Variants in ATF7IP observed in about 807,000 individuals in gnomAD.
The protein encoded by ATF7IP is activating transcription factor 7-interacting protein 1.
In ATF7IP, 23 loss-of-function variants were observed where a neutral mutation model predicts 106.4. The ratio of observed to expected loss-of-function variants is 0.22; its 90% CI spans 0.16 to 0.31. The LOEUF (loss-of-function observed/expected upper bound fraction) is 0.31, where lower values mean the gene tolerates loss of function less well. Among genes scored for constraint, ATF7IP ranks in the 10% least tolerant of loss-of-function variants. The pLI is 1.00. For missense variants in ATF7IP, 1,334 were observed against 1,524.3 expected, an observed-to-expected ratio of 0.88 and a Z score of 2.08; for synonymous variants, 542 against 539.0, an observed-to-expected ratio of 1.01 and a Z score of -0.08.
At chr12:14,484,203 G>A (rs570500503) in intron 13 of ATF7IP, among the ~76,000 whole-genome samples, 119 of 152,220 alleles carry the variant, frequency 7.8e-4, no homozygotes, top group Non-Finnish European at 1.3e-3. Context: ...GTCAGCCTTG[G>A]TAAGTGGAAG....
chr12:14,367,460 T>G (rs1938355483), intron 1 of ATF7IP: 1 of 152,084 alleles, frequency 6.6e-6, no homozygotes, highest in African/African-American at 2.4e-5. Context: ...GTTGTGTAAT[T>G]TTCTCCCTTT....
intron 1 of ATF7IP, among the ~76,000 whole-genome samples, chr12:14,381,076 C>T (rs1938984069): frequency 6.6e-6 from 1 of 152,202 alleles, no homozygotes; most frequent in Non-Finnish European, 1.5e-5. Context: ...ATCGTTCTCT[C>T]TGCTCCCTTC....
At chr12:14,426,960 A>G (rs1013436934) in intron 2 of ATF7IP, among the ~76,000 whole-genome samples, 2 of 152,024 alleles carry the variant, frequency 1.3e-5, no homozygotes, top group African/African-American at 4.8e-5. Context: ...CAGGATACAC[A>G]CAAGAATTAA....
intron 6 of ATF7IP, among the ~76,000 whole-genome samples, chr12:14,452,564 ACTGT>A (rs1439447294): frequency 6.6e-6 from 1 of 152,114 alleles, no homozygotes; most frequent in African/African-American, 2.4e-5. Flanking sequence ...TAAAGTTACA[ACTGT>A]CTATGTTAAA....
chr12:14,483,888 A>G (rs138883286), intron 13 of ATF7IP, among the ~76,000 whole-genome samples: 1 of 152,228 alleles, frequency 6.6e-6, no homozygotes, highest in African/African-American at 2.4e-5. Flanking sequence ...TAGCCATAAA[A>G]TGAGTGCTTT....
intron 1 of ATF7IP, among the ~76,000 whole-genome samples, chr12:14,398,666 A>G (rs1359158748): frequency 6.6e-6 from 1 of 151,952 alleles, no homozygotes; most frequent in East Asian, 1.9e-4. Flanking sequence ...TTCTTCATCC[A>G]TAGATTTATT....
At chr12:14,490,510 C>T (rs1030925012) in intron 13 of ATF7IP, among the ~76,000 whole-genome samples, 1 of 152,202 alleles carries the variant, frequency 6.6e-6, no homozygotes, top group African/African-American at 2.4e-5. Context: ...ATGCACTGCT[C>T]CAAGTTCTGC....
chr12:14,399,681 GTGTT>G (rs898230799), intron 1 of ATF7IP, among the ~76,000 whole-genome samples: 4 of 149,434 alleles, frequency 2.7e-5, no homozygotes, highest in African/African-American at 9.9e-5. Flanking sequence ...TATTTCTTAT[GTGTT>G]TGTTTGTTCT....
chr12:14,402,153 G>T (rs1199034246), intron 1 of ATF7IP, among the ~76,000 whole-genome samples: 2 of 131,426 alleles, frequency 1.5e-5, no homozygotes, highest in African/African-American at 5.8e-5. Context: ...TTTGAGATAG[G>T]GTCTCGTTCT....
intron 8 of ATF7IP, 89 bp from the exon 9 acceptor site, chr12:14,460,406 G>A (rs888852847): frequency 9.3e-6 from 12 of 1,285,602 alleles, no homozygotes; most frequent in East Asian, 2.3e-5. Context: ...AATGTATTAC[G>A]CAATGTATTT....
At chr12:14,488,257 T>C (rs1482256241) in intron 13 of ATF7IP, among the ~76,000 whole-genome samples, 3 of 152,038 alleles carry the variant, frequency 2.0e-5, no homozygotes, top group Admixed American at 2.0e-4. Context: ...TATATATATC[T>C]ATAGTATAAA....
intron 1 of ATF7IP, among the ~76,000 whole-genome samples, chr12:14,397,706 G>A (rs1245569495): frequency 1.4e-5 from 2 of 143,918 alleles, no homozygotes; most frequent in African/African-American, 4.9e-5. Context: ...ATTTTCTTAT[G>A]TTTTCTAGGC....
intron 13 of ATF7IP, among the ~76,000 whole-genome samples, chr12:14,488,575 C>A (rs558284851): frequency 6.6e-6 from 1 of 152,300 alleles, no homozygotes; most frequent in Admixed American, 6.5e-5. Context: ...TTTGGCAACA[C>A]CCTCACAGAC....
At chr12:14,494,182 A>C (rs919114416) in intron 13 of ATF7IP, among the ~76,000 whole-genome samples, 9 of 149,846 alleles carry the variant, frequency 6.0e-5, no homozygotes, top group African/African-American at 2.2e-4. Context: ...CAGAAACCCC[A>C]AAACCAATGA....
In ATF7IP at chr12:14,460,737, C is replaced by T; in HGVS notation, c.2401C>T (p.His801Tyr). The T allele has an allele frequency of 6.2e-7, 1 of 1,614,206 alleles. No individual in the cohort carries two copies. Among genetic ancestry groups the T allele is most frequent in the Admixed American group, 1.7e-5 (1 of 60,016 alleles). ...CTCCCAGCCTCAGCTTCTACAGAGC[C>T]ATCCAGGGACTTTGGTGACTAATCA... Reference protein sequence around the residue: ...VSSQPQLLQSHPGTLVTNQPS... With the variant: ...VSSQPQLLQSYPGTLVTNQPS... Residue 801 changes from histidine to tyrosine, a missense_variant, in exon 9 of 15, where the codon CAT becomes TAT. Physicochemically the swap from His to Tyr is moderately conservative, Grantham distance 83. Coordinates refer to ENST00000261168, the MANE Select transcript of ATF7IP (RefSeq NM_018179.5).
intron 1 of ATF7IP, among the ~76,000 whole-genome samples, chr12:14,410,075 GT>G (rs1940823423): frequency 6.6e-6 from 1 of 151,918 alleles, no homozygotes; most frequent in Non-Finnish European, 1.5e-5. Context: ...GCAGCCAACC[GT>G]TATTTCCTCC....
chr12:14,405,294 G>A (rs1940500069), intron 1 of ATF7IP, among the ~76,000 whole-genome samples: 1 of 151,452 alleles, frequency 6.6e-6, no homozygotes, highest in African/African-American at 2.4e-5. Flanking sequence ...TCTACAAAGA[G>A]GGATAACCAG....
At chr12:14,368,130 C>T (rs1938383243) in intron 1 of ATF7IP, among the ~76,000 whole-genome samples, 1 of 151,938 alleles carries the variant, frequency 6.6e-6, no homozygotes, top group South Asian at 2.1e-4. Flanking sequence ...TAAACTTATT[C>T]ATTATAGAAC....
intron 1 of ATF7IP, among the ~76,000 whole-genome samples, chr12:14,388,453 T>C (rs1459723286): frequency 1.3e-5 from 2 of 151,844 alleles, no homozygotes. Context: ...TTCAAGTGAT[T>C]CTCCTGCCTC....
Sources: allele counts gnomAD v4.1 joint callset (sites outside exome capture counted in the v4.1 genomes callset), GRCh38; gene constraint gnomAD v4.1.1; transcripts MANE v1.5; gene names NCBI Gene and HGNC (gene_info 2026-07-23, HGNC 2026-07-21).